The following ANO10 variants were observed in gnomAD, a reference collection of about 807,000 sequenced individuals.
The protein encoded by ANO10 is anoctamin-10.
In ANO10, 77 loss-of-function variants were observed where a neutral mutation model predicts 74.7. The ratio of observed to expected loss-of-function variants is 1.03; its 90% confidence interval spans 0.86 to 1.25. The LOEUF (loss-of-function observed/expected upper bound fraction) is 1.25. Ranked by LOEUF, ANO10 falls within the 50% of genes most tolerant of loss-of-function variation. The probability of loss-of-function intolerance (pLI) is 0.00; values close to 1 mark genes in which losing one functional copy is unlikely to be tolerated. For synonymous variants in ANO10, 279 were observed against 284.9 expected (o/e 0.98, Z 0.21); for missense variants, 721 against 778.1 (o/e 0.93, Z 0.87).
chr3:43,546,389 T>C (rs2079191568), intron 11 of ANO10, among the ~76,000 whole-genome samples: 1 of 152,188 alleles, frequency 6.6e-6, no homozygotes, highest in African/African-American at 2.4e-5. Context: ...AGTATGGTAC[T>C]GGCATAAAAA....
chr3:43,407,013 C>T (rs142890307), intron 12 of ANO10, among the ~76,000 whole-genome samples: 3,423 of 152,038 alleles, frequency 0.023, 135 homozygotes, highest in African/African-American at 0.078. Context: ...ATGCGATTCT[C>T]CTGCCTCAGC....
intron 11 of ANO10, among the ~76,000 whole-genome samples, chr3:43,538,446 A>C (rs2078811880): frequency 6.6e-6 from 1 of 152,182 alleles, no homozygotes; most frequent in Non-Finnish European, 1.5e-5. Flanking sequence ...ATTCAGAAAA[A>C]ATTTTTAAAA....
intron 11 of ANO10, among the ~76,000 whole-genome samples, chr3:43,463,370 G>A (rs766262953): frequency 6.6e-6 from 1 of 152,158 alleles, no homozygotes; most frequent in Non-Finnish European, 1.5e-5. Flanking sequence ...AAAATAGCTT[G>A]TGGATTGAAA....
At chr3:43,468,851 C>T (rs2075736571) in intron 11 of ANO10, among the ~76,000 whole-genome samples, 1 of 151,606 alleles carries the variant, frequency 6.6e-6, no homozygotes, top group African/African-American at 2.4e-5. Flanking sequence ...GCTGGGGCTA[C>T]AGCTGCATGC....
Position 43,580,474 on chromosome 3 carries a change from T to C in ANO10, c.473-2A>G, listed in dbSNP as rs1553724533. ...TGCCAGACGTGAGCAATCTTCTCAC[T>C]GCACAGGGAAAATGTGCCAAACTGC... On this transcript the variant is annotated splice_acceptor_variant, in intron 4 of 12. Transcript: ENST00000292246. LOFTEE classifies it high-confidence loss of function. The C allele has an allele frequency of 6.2e-7, 1 of 1,613,422 alleles. No individual in the cohort carries two copies. The highest frequency in any genetic ancestry group is 8.5e-7 in the Non-Finnish European group (1 of 1,179,868).
At chr3:43,378,108 C>T (rs1311852414) in intron 12 of ANO10, among the ~76,000 whole-genome samples, 3 of 152,162 alleles carry the variant, frequency 2.0e-5, no homozygotes, top group Non-Finnish European at 4.4e-5. Flanking sequence ...GGAGACAGTC[C>T]ACTGCCCACA....
In ANO10 at chr3:43,410,509, C is replaced by G. The variant is rs116094158; in HGVS notation, c.1914+22102G>C. On this transcript the variant is annotated intron_variant, in intron 12 of 12. Transcript: ENST00000292246. The stretch of plus-strand genomic sequence containing the variant: ...CTTACTGGCCCTGTATCTGATTCTG[C>G]AAGGCAATACTATTTGAATTTAATT... Among the ~76,000 whole-genome samples the G allele has an allele frequency of 8.9e-3, 1,358 of 152,242 alleles. 16 individuals carry two copies. Among genetic ancestry groups the G allele is most frequent in the African/African-American group, 0.029 (1,184 of 41,528 alleles).
intron 9 of ANO10, among the ~76,000 whole-genome samples, chr3:43,556,407 C>T (rs917582319): frequency 1.6e-4 from 24 of 152,092 alleles, no homozygotes; most frequent in Admixed American, 1.6e-3. Context: ...GTGTATAGCA[C>T]CAGGGGAGCC....
chr3:43,489,869 G>GA (rs35152788), intron 11 of ANO10, among the ~76,000 whole-genome samples: 33,666 of 147,610 alleles, frequency 0.23, 4,242 homozygotes, highest in Middle Eastern at 0.36. Flanking sequence ...CCTGATTTAA[G>GA]AAAAAAAAAA....
chr3:43,532,732 A>C (rs938134614), intron 11 of ANO10, among the ~76,000 whole-genome samples: 3 of 152,212 alleles, frequency 2.0e-5, no homozygotes, highest in African/African-American at 7.2e-5. Context: ...AATTAATTTT[A>C]ATTCATATTA....
chr3:43,532,723 A>G (rs926771268), intron 11 of ANO10, among the ~76,000 whole-genome samples: 1 of 152,176 alleles, frequency 6.6e-6, no homozygotes, highest in South Asian at 2.1e-4. Flanking sequence ...ATGAAGCAAA[A>G]TTAATTTTAA....
rs369798129 is a variant in ANO10, at chr3:43,384,498, T to G, written c.1915-17524A>C. On this transcript the variant is annotated intron_variant, in intron 12 of 12. Coordinates refer to ENST00000292246, the MANE Select transcript of ANO10 (RefSeq NM_018075.5). ...CAAGACTAAGCAAAAAGAACAAATC[T>G]TGAGGCATACATTACCCGACTTCAA... 5.5e-4 allele frequency among the ~76,000 whole-genome samples: 84 copies of G among 152,280 alleles called. 3 individuals are homozygous for G. In the South Asian group the frequency reaches 8.9e-3, roughly 16 times the overall value.
intron 12 of ANO10, among the ~76,000 whole-genome samples, chr3:43,422,135 G>C (rs1266777137): frequency 6.6e-6 from 1 of 152,010 alleles, no homozygotes; most frequent in Non-Finnish European, 1.5e-5. Context: ...GTTGTTTTTT[G>C]AGATGGAGTC....
chr3:43,533,269 T>C (rs996689376), intron 11 of ANO10, among the ~76,000 whole-genome samples: 1 of 152,214 alleles, frequency 6.6e-6, no homozygotes, highest in Non-Finnish European at 1.5e-5. Flanking sequence ...GGCAATTTCA[T>C]TCAAAGAACC....
intron 11 of ANO10, among the ~76,000 whole-genome samples, chr3:43,458,939 G>C (rs1415044606): frequency 6.6e-6 from 1 of 152,156 alleles, no homozygotes; most frequent in Non-Finnish European, 1.5e-5. Flanking sequence ...TTAGTTTGCT[G>C]AGGATGATGA....
At chr3:43,558,882 T>C (rs944491927) in intron 9 of ANO10, among the ~76,000 whole-genome samples, 2 of 151,840 alleles carry the variant, frequency 1.3e-5, no homozygotes, top group African/African-American at 4.8e-5. Flanking sequence ...GAGTGGGAAA[T>C]GGCCAGATCA....
chr3:43,567,982 G>A (rs995165402), intron 7 of ANO10, among the ~76,000 whole-genome samples: 7 of 151,918 alleles, frequency 4.6e-5, no homozygotes, highest in Non-Finnish European at 1.0e-4. Flanking sequence ...TAAAAGGATG[G>A]AGGAAGATCT....
intron 11 of ANO10, among the ~76,000 whole-genome samples, chr3:43,499,355 T>G (rs142707812): frequency 6.6e-6 from 1 of 152,062 alleles, no homozygotes; most frequent in Admixed American, 6.5e-5. Context: ...TATACCTCCA[T>G]AGAAGTACAC....
At chr3:43,541,346 T>C (rs557246601) in intron 11 of ANO10, among the ~76,000 whole-genome samples, 13 of 152,190 alleles carry the variant, frequency 8.5e-5, no homozygotes, top group Non-Finnish European at 1.9e-4. Flanking sequence ...ACTGCATGCA[T>C]TTATTCATTT....
Sources: allele counts gnomAD v4.1 joint callset (sites outside exome capture counted in the v4.1 genomes callset), GRCh38; gene constraint gnomAD v4.1.1; transcripts MANE v1.5; gene names NCBI Gene and HGNC (gene_info 2026-07-23, HGNC 2026-07-21).